The following TBC1D32 variants were observed in gnomAD, a reference collection of about 807,000 sequenced individuals.
TBC1D32 encodes the protein TBC1 domain family member 32, also known as protein broad-minded.
A neutral mutation model predicts 170.3 loss-of-function variants in TBC1D32; 151 were observed. The observed-to-expected ratio is 0.89, with a 90% CI of 0.78 to 1.01. The LOEUF (loss-of-function observed/expected upper bound fraction) is 1.01, where lower values mean the gene tolerates loss of function less well. Among genes scored for constraint, TBC1D32 ranks in the 50% least tolerant of loss-of-function variants. The probability of loss-of-function intolerance (pLI) is 0.00; values close to 1 mark genes in which losing one functional copy is unlikely to be tolerated. For missense variants in TBC1D32, 1,464 were observed against 1,457.1 expected (o/e 1.00, Z -0.08); for synonymous variants, 498 against 488.0 (o/e 1.02, Z -0.27).
At chr6:121,137,479 T>TA (rs200145102) in intron 24 of TBC1D32, among the ~76,000 whole-genome samples, 64,948 of 133,146 alleles carry the variant, frequency 0.49, 14,808 homozygotes, top group East Asian at 0.68. Flanking sequence ...TGGAAGAAGG[T>TA]AAAAAAAAAA....
chr6:121,298,523 G>T (rs1805990880), intron 10 of TBC1D32, among the ~76,000 whole-genome samples: 1 of 151,878 alleles, frequency 6.6e-6, no homozygotes, highest in Non-Finnish European at 1.5e-5. Context: ...TGCTCATAAA[G>T]CAACAACAAA....
intron 27 of TBC1D32, among the ~76,000 whole-genome samples, chr6:121,114,809 C>G (rs1776801): frequency 6.6e-6 from 1 of 152,158 alleles, no homozygotes; most frequent in Non-Finnish European, 1.5e-5. Flanking sequence ...ACTTCTGCAT[C>G]TGTCCTTCAG....
At chr6:121,157,119 T>G (rs1374800464) in intron 24 of TBC1D32, among the ~76,000 whole-genome samples, 1 of 152,088 alleles carries the variant, frequency 6.6e-6, no homozygotes, top group Non-Finnish European at 1.5e-5. Context: ...TTGAAGTCCA[T>G]CACTATAATT....
intron 1 of TBC1D32, among the ~76,000 whole-genome samples, chr6:121,325,160 C>A (rs1043045291): frequency 6.8e-6 from 1 of 147,814 alleles, no homozygotes; most frequent in Non-Finnish European, 1.5e-5. Flanking sequence ...TGCAGTGAGC[C>A]GAGATTGTGC....
Position 121,080,760 on chromosome 6 carries a change from T to A in TBC1D32, c.*11A>T. 6.2e-7 allele frequency: 1 copy of A among 1,601,536 alleles called. No individual in the cohort carries two copies. The highest frequency in any genetic ancestry group is 1.1e-5 in the South Asian group (1 of 88,316). On this transcript the variant is annotated 3_prime_UTR_variant, in exon 32 of 32. Transcript: ENST00000398212. Reference sequence around the variant, plus strand: ...AAATAAAACCTAAATTTAAACCGTGTGTCTCATGATCTATGTGCTCTGCAG... The same window carrying A: ...AAATAAAACCTAAATTTAAACCGTGAGTCTCATGATCTATGTGCTCTGCAG...
intron 20 of TBC1D32, among the ~76,000 whole-genome samples, chr6:121,226,338 C>T (rs1009503289): frequency 4.6e-5 from 7 of 151,976 alleles, no homozygotes; most frequent in Admixed American, 4.6e-4. Context: ...TGACACTCTT[C>T]AGCAATGTAG....
At chr6:121,227,789 T>C (rs1315828206) in intron 20 of TBC1D32, among the ~76,000 whole-genome samples, 2 of 152,132 alleles carry the variant, frequency 1.3e-5, no homozygotes, top group Non-Finnish European at 2.9e-5. Flanking sequence ...TTGGTGATGT[T>C]TTTATATCAG....
At chr6:121,168,662 T>G (rs1271294745) in intron 22 of TBC1D32, among the ~76,000 whole-genome samples, 1 of 116,356 alleles carries the variant, frequency 8.6e-6, no homozygotes, top group African/African-American at 3.1e-5. Context: ...TGTATACATA[T>G]GTAACTAACC....
intron 1 of TBC1D32, among the ~76,000 whole-genome samples, chr6:121,322,012 A>T (rs768819181): frequency 2.6e-5 from 4 of 152,102 alleles, no homozygotes; most frequent in Non-Finnish European, 4.4e-5. Flanking sequence ...ACAGTAGGGA[A>T]AAGCAAATTT....
intron 20 of TBC1D32, among the ~76,000 whole-genome samples, chr6:121,236,351 T>C (rs1468382281): frequency 6.6e-6 from 1 of 152,120 alleles, no homozygotes; most frequent in African/African-American, 2.4e-5. Flanking sequence ...TTAATACAAG[T>C]TTGTATAGCT....
At chr6:121,247,431 G>A (rs901707025) in intron 17 of TBC1D32, among the ~76,000 whole-genome samples, 3 of 151,234 alleles carry the variant, frequency 2.0e-5, no homozygotes, top group Admixed American at 6.6e-5. Flanking sequence ...AAGTATCAAG[G>A]CAAAAACTAA....
At chr6:121,299,927 C>A (rs1392403070) in intron 9 of TBC1D32, among the ~76,000 whole-genome samples, 2 of 152,146 alleles carry the variant, frequency 1.3e-5, no homozygotes, top group Non-Finnish European at 2.9e-5. Flanking sequence ...CACTGAAATG[C>A]TCCAAAGTGA....
chr6:121,198,246 T>TA (rs1554265802), intron 22 of TBC1D32, among the ~76,000 whole-genome samples: 1 of 118,938 alleles, frequency 8.4e-6, no homozygotes, highest in Non-Finnish European at 1.8e-5. Context: ...AATATATATA[T>TA]TATATATATA....
chr6:121,158,240 T>A (rs940592879), intron 24 of TBC1D32, among the ~76,000 whole-genome samples: 8 of 152,210 alleles, frequency 5.3e-5, no homozygotes, highest in Non-Finnish European at 8.8e-5. Context: ...CAAGAACCAG[T>A]CTTCAAGCTT....
chr6:121,172,360 T>G (rs1005261216), intron 22 of TBC1D32, among the ~76,000 whole-genome samples: 1 of 152,078 alleles, frequency 6.6e-6, no homozygotes, highest in Non-Finnish European at 1.5e-5. Flanking sequence ...ACTATCAAGA[T>G]GAAATCAGTG....
chr6:121,092,008 G>T (rs1390146707), intron 30 of TBC1D32, among the ~76,000 whole-genome samples: 1 of 152,106 alleles, frequency 6.6e-6, no homozygotes, highest in Admixed American at 6.6e-5. Flanking sequence ...AGATTCTAAA[G>T]GCTGCTAGAA....
chr6:121,298,497 T>C (rs893694984), intron 10 of TBC1D32, among the ~76,000 whole-genome samples: 2 of 152,114 alleles, frequency 1.3e-5, no homozygotes, highest in African/African-American at 2.4e-5. Context: ...TTCTCTATTC[T>C]AGCAAGATCA....
intron 15 of TBC1D32, among the ~76,000 whole-genome samples, chr6:121,267,125 T>C (rs1411091394): frequency 1.4e-5 from 2 of 138,370 alleles, no homozygotes; most frequent in Non-Finnish European, 3.0e-5. Context: ...AATGTGCTCT[T>C]CTAAAAAAAA....
intron 24 of TBC1D32, among the ~76,000 whole-genome samples, chr6:121,158,858 C>A (rs1276421072): frequency 6.6e-6 from 1 of 152,102 alleles, no homozygotes; most frequent in Non-Finnish European, 1.5e-5. Flanking sequence ...AATTCTCTAG[C>A]CTAAAAATTC....
Sources: gnomAD v4.1 joint callset for allele counts (sites outside exome capture counted in the v4.1 genomes callset) on GRCh38, gnomAD v4.1.1 for gene constraint, MANE v1.5 for transcripts, NCBI Gene and HGNC (gene_info 2026-07-23, HGNC 2026-07-21) for gene names.